The following KIAA0825 variants were observed in gnomAD, a reference collection of about 807,000 sequenced individuals.
KIAA0825 encodes the protein uncharacterized protein KIAA0825.
In KIAA0825, 119 loss-of-function variants were observed where a neutral mutation model predicts 147.6. The ratio of observed to expected loss-of-function variants is 0.81; its 90% CI spans 0.69 to 0.94. The LOEUF is 0.94. Among genes scored for constraint, KIAA0825 ranks in the 40% least tolerant of loss-of-function variants. The probability of loss-of-function intolerance (pLI) is 0.00; values close to 1 mark genes in which losing one functional copy is unlikely to be tolerated. For missense variants in KIAA0825, 1,381 were observed against 1,472.7 expected, an observed-to-expected ratio of 0.94 and a Z score of 1.02; for synonymous variants, 470 against 518.1, an observed-to-expected ratio of 0.91 and a Z score of 1.26.
intron 15 of KIAA0825, among the ~76,000 whole-genome samples, chr5:94,408,566 T>C (rs1296339835): frequency 4.0e-5 from 6 of 151,716 alleles, no homozygotes; most frequent in Non-Finnish European, 1.5e-5. Flanking sequence ...AGAGACGGGG[T>C]TTCACCATGT....
intron 10 of KIAA0825, among the ~76,000 whole-genome samples, chr5:94,466,474 C>A (rs540613789): frequency 6.6e-6 from 1 of 151,990 alleles, no homozygotes; most frequent in Non-Finnish European, 1.5e-5. Context: ...AATCCCAGCA[C>A]GTTAGGAGGC....
chr5:94,458,297 G>A (rs1759379294), intron 12 of KIAA0825, among the ~76,000 whole-genome samples: 1 of 152,206 alleles, frequency 6.6e-6, no homozygotes, highest in South Asian at 2.1e-4. Context: ...AGAATAACTG[G>A]CCCATAGTAG....
chr5:94,283,350 G>T (rs1360730811), intron 20 of KIAA0825, among the ~76,000 whole-genome samples: 3 of 152,080 alleles, frequency 2.0e-5, no homozygotes, highest in Non-Finnish European at 4.4e-5. Flanking sequence ...CAGTGGTAAT[G>T]CTGGAAATAA....
chr5:94,269,836 A>T (rs1210706133), intron 20 of KIAA0825, among the ~76,000 whole-genome samples: 1 of 152,118 alleles, frequency 6.6e-6, no homozygotes, highest in African/African-American at 2.4e-5. Flanking sequence ...AAATTGAAAC[A>T]AAGAATACAA....
chr5:94,574,543 CAAAAAAAAAA>C (rs1181241238), intron 2 of KIAA0825, among the ~76,000 whole-genome samples: 1 of 65,530 alleles, frequency 1.5e-5, no homozygotes, highest in African/African-American at 6.5e-5. Context: ...GACTCCATCT[CAAAAAAAAAA>C]AAAAAAAAAA....
chr5:94,249,218 A>G (rs1775809749), intron 20 of KIAA0825, among the ~76,000 whole-genome samples: 5 of 152,138 alleles, frequency 3.3e-5, no homozygotes, highest in Admixed American at 3.3e-4. Context: ...TTGGGTAAAT[A>G]TAGAACAAAA....
chr5:94,611,203 G>C (rs1452768096), intron 1 of KIAA0825, among the ~76,000 whole-genome samples: 1 of 152,038 alleles, frequency 6.6e-6, no homozygotes, highest in Non-Finnish European at 1.5e-5. Flanking sequence ...ATGATAAAAA[G>C]AAAAAGCCCT....
chr5:94,400,805 ATATTTATT>A (rs1751276648), intron 16 of KIAA0825, among the ~76,000 whole-genome samples: 1 of 152,142 alleles, frequency 6.6e-6, no homozygotes, highest in South Asian at 2.1e-4. Context: ...CTTTATTGTA[ATATTTATT>A]TCTTTAAATC....
chr5:94,162,542 C>A (rs1176687178), intron 20 of KIAA0825, among the ~76,000 whole-genome samples: 1 of 152,088 alleles, frequency 6.6e-6, no homozygotes, highest in Non-Finnish European at 1.5e-5. Flanking sequence ...ATCCTCCTGC[C>A]TTGGCATCCC....
intron 15 of KIAA0825, among the ~76,000 whole-genome samples, chr5:94,408,158 G>GGTTTAAA (rs1444900057): frequency 3.3e-5 from 5 of 152,052 alleles, no homozygotes; most frequent in Non-Finnish European, 7.4e-5. Flanking sequence ...TAGTTTAAGT[G>GGTTTAAA]GTTTAAAGGT....
chr5:94,423,646 G>A (rs1754482113), intron 14 of KIAA0825, among the ~76,000 whole-genome samples: 2 of 152,186 alleles, frequency 1.3e-5, no homozygotes, highest in Non-Finnish European at 2.9e-5. Flanking sequence ...CAACAATGTT[G>A]TAGAAGAGTG....
intron 6 of KIAA0825, among the ~76,000 whole-genome samples, chr5:94,478,450 A>ATC (rs1762137816): frequency 2.2e-5 from 2 of 90,598 alleles, no homozygotes; most frequent in Admixed American, 2.2e-4. Context: ...GCACATGTGC[A>ATC]TCACACACAC....
In KIAA0825 at chr5:94,330,999, G is replaced by A. The variant is rs544556677; in HGVS notation, c.3710+53369C>T. 2.2e-4 allele frequency among the ~76,000 whole-genome samples: 34 copies of A among 152,072 alleles called. 1 individual carries two copies. The South Asian group carries it at 6.2e-3, about 28-fold the overall frequency. ...GAAATACAAAAATAATTAGCCAGAC[G>A]TGGTGGTGGGCTCCTGTAATCCTAG... On this transcript the variant is annotated intron_variant, in intron 20 of 20. Transcript: ENST00000682413.
intron 1 of KIAA0825, among the ~76,000 whole-genome samples, chr5:94,615,092 A>G (rs1396441489): frequency 6.6e-6 from 1 of 151,230 alleles, no homozygotes; most frequent in Non-Finnish European, 1.5e-5. Context: ...CATGGCTGTG[A>G]TTTTTTTAAC....
intron 2 of KIAA0825, among the ~76,000 whole-genome samples, chr5:94,551,915 A>G (rs939921955): frequency 2.6e-5 from 4 of 152,118 alleles, no homozygotes; most frequent in African/African-American, 9.7e-5. Context: ...TAACAGGAGT[A>G]AGTCCTCACT....
chr5:94,529,457 A>G (rs1410978422), intron 3 of KIAA0825, among the ~76,000 whole-genome samples: 1 of 149,110 alleles, frequency 6.7e-6, no homozygotes. Flanking sequence ...TATGTAGTGT[A>G]TATATATATT....
At chr5:94,452,452 C>T (rs1254633550) in intron 13 of KIAA0825, among the ~76,000 whole-genome samples, 2 of 152,106 alleles carry the variant, frequency 1.3e-5, no homozygotes, top group African/African-American at 4.8e-5. Context: ...ATCAAACTGC[C>T]ATTTCACATA....
intron 5 of KIAA0825, among the ~76,000 whole-genome samples, chr5:94,508,011 T>C (rs1452637226): frequency 2.0e-5 from 3 of 152,200 alleles, no homozygotes; most frequent in Non-Finnish European, 4.4e-5. Flanking sequence ...AGTCAGTCTG[T>C]CTTGAAGACG....
At chr5:94,205,451 A>G (rs1003216049) in intron 20 of KIAA0825, among the ~76,000 whole-genome samples, 9 of 151,154 alleles carry the variant, frequency 6.0e-5, no homozygotes, top group South Asian at 4.2e-4. Flanking sequence ...ACAGGTGCCC[A>G]CCACCACTTT....
Sources: gnomAD v4.1 joint callset for allele counts (sites outside exome capture counted in the v4.1 genomes callset) on GRCh38, gnomAD v4.1.1 for gene constraint, MANE v1.5 for transcripts, NCBI Gene and HGNC (gene_info 2026-07-23, HGNC 2026-07-21) for gene names.